The following GPN3 variants were observed in gnomAD, a reference collection of about 807,000 sequenced individuals.
The protein encoded by GPN3 is ATP-binding domain 1 family member C.
Under a neutral mutation model 38.7 loss-of-function variants are expected in GPN3, and 31 were observed. The ratio of observed to expected loss-of-function variants is 0.80; its 90% CI spans 0.60 to 1.08. GPN3 has a LOEUF of 1.08. Ranked by LOEUF, GPN3 falls within the 50% of genes least tolerant of loss-of-function variation. The pLI is 0.00. For synonymous variants in GPN3, 116 were observed against 120.2 expected, an observed-to-expected ratio of 0.96 and a Z score of 0.23; for missense variants, 301 against 354.4, an observed-to-expected ratio of 0.85 and a Z score of 1.21.
At chr12:110,461,094 T>G in intron 2 of GPN3, 1 of 1,477,210 alleles carries the variant, frequency 6.8e-7, no homozygotes, top group Non-Finnish European at 9.5e-7. Context: ...ATCTATGGAG[T>G]GGGCTTCAAG....
chr12:110,464,878 C>G, intron 2 of GPN3: 2 of 496,120 alleles, frequency 4.0e-6, no homozygotes, highest in South Asian at 4.7e-5. Context: ...CAGGCATGAG[C>G]CTCCGCGCCC....
intron 1 of GPN3, among the ~76,000 whole-genome samples, chr12:110,466,077 CAA>C (rs879788319): frequency 9.8e-5 from 12 of 122,068 alleles, no homozygotes; most frequent in Non-Finnish European, 7.0e-5. Flanking sequence ...ACTCCTGGCT[CAA>C]AAAAAAAAAA....
rs1592964932 is a variant in GPN3 at position 110,461,085 on chromosome 12, T to G, written c.158-1223A>C. 9.3e-6 allele frequency: 14 copies of G among 1,500,224 alleles called. No homozygotes were observed. The East Asian group carries it at 2.3e-4, about 24-fold the overall frequency. 92.9% of individuals were successfully genotyped at this position (1,500,224 alleles called of 1,614,324 possible). ...TACACCATCAACATTCACAAGCACATCTATGGAGTGGGCTTCAAGAAGCGT... is the reference window on the plus strand; with the variant it reads ...TACACCATCAACATTCACAAGCACAGCTATGGAGTGGGCTTCAAGAAGCGT... On this transcript the variant is annotated intron_variant, in intron 2 of 7. Transcript: ENST00000228827.
At chr12:110,454,218 A>G (rs2062534043) in intron 6 of GPN3, among the ~76,000 whole-genome samples, 1 of 152,170 alleles carries the variant, frequency 6.6e-6, no homozygotes, top group East Asian at 1.9e-4. Flanking sequence ...GGCCACTACC[A>G]ATAACTACTT....
At chr12:110,455,493 G>T in intron 6 of GPN3, 93 bp downstream of exon 6, 1 of 688,348 alleles carries the variant, frequency 1.5e-6, no homozygotes, top group South Asian at 1.7e-5. Flanking sequence ...TGAACTCCTG[G>T]ACTCAATCTT....
At chr12:110,461,581 CAG>C (rs1458754619) in intron 2 of GPN3, among the ~76,000 whole-genome samples, 1 of 151,560 alleles carries the variant, frequency 6.6e-6, no homozygotes, top group Non-Finnish European at 1.5e-5. Context: ...GCCTGGGTGG[CAG>C]AGAGAGACTG....
rs769592922 is a variant in GPN3, at chr12:110,455,833, G to C, written c.548C>G (p.Ala183Gly). Residue 183 changes from alanine to glycine, a missense_variant, in exon 5 of 8, where the codon GCA becomes GGA. Ala to Gly is a moderately conservative substitution (Grantham distance 60). Transcript: ENST00000228827. Reference protein sequence around the residue: ...MTKMDLLSKKAKKEIEKFLDP... With the variant: ...MTKMDLLSKKGKKEIEKFLDP... ...AACTCACTTCTCAATTTCCTTTTTT[G>C]CTTTTTTACTCAGCAGATCCATTTT... 6.3e-7 allele frequency: 1 copy of C among 1,575,370 alleles called. No individual in the cohort carries two copies. Among genetic ancestry groups the C allele is most frequent in the Admixed American group, 1.7e-5 (1 of 59,482 alleles).
At chr12:110,463,178 C>CG (rs2062602665) in intron 2 of GPN3, among the ~76,000 whole-genome samples, 1 of 152,026 alleles carries the variant, frequency 6.6e-6, no homozygotes, top group African/African-American at 2.4e-5. Context: ...CCAGCACTTT[C>CG]GGAAGTCAAG....
chr12:110,465,197 G>T lies in GPN3; in HGVS notation c.66C>A (p.Thr22=). The T allele has an allele frequency of 6.2e-7, 1 of 1,603,754 alleles. No individual in the cohort carries two copies. Among genetic ancestry groups the T allele is most frequent in the Non-Finnish European group, 8.5e-7 (1 of 1,170,476 alleles). The change falls in exon 2 of 8, where the codon ACC becomes ACA. Residue 22 remains threonine, a synonymous_variant. Transcript: ENST00000228827. ...AGSGKSTYCA[T]MVQHCEALNR... The stretch of plus-strand genomic sequence containing the variant: ...TGAGGGCTTCACAGTGCTGGACCAT[G>T]GTGGCACAGTAGGTGCTCTGTAATG...
At chr12:110,468,441 G>T (rs1419575033), upstream of GPN3, 1 of 1,534,934 alleles carries the variant, frequency 6.5e-7, no homozygotes, top group African/African-American at 1.4e-5. Context: ...GATGGAAATC[G>T]GCCGTTGGGA....
chr12:110,458,175 G>A lies in GPN3; in HGVS notation c.326-541C>T, dbSNP rs370891273. ...GAGGTTCTTCACACTTTAGTTTTCTGCCAATCAATATGAGTGTTATTGGCC... is the reference window on the plus strand; with the variant it reads ...GAGGTTCTTCACACTTTAGTTTTCTACCAATCAATATGAGTGTTATTGGCC... On this transcript the variant is annotated intron_variant, in intron 3 of 7. Coordinates refer to ENST00000228827, the MANE Select transcript of GPN3 (RefSeq NM_016301.4). The surrounding 1 kb of genome is among the most constrained non-coding windows in gnomAD (Gnocchi z 4.4). Among the ~76,000 whole-genome samples the A allele has an allele frequency of 2.0e-5, 3 of 151,372 alleles. No homozygotes were observed. Among genetic ancestry groups the A allele is most frequent in the African/African-American group, 7.3e-5 (3 of 41,144 alleles).
chr12:110,468,301 C>A (rs1239750349), upstream of GPN3: 28 of 1,589,678 alleles, frequency 1.8e-5, no homozygotes, highest in Non-Finnish European at 2.3e-5. Flanking sequence ...AATCCACATT[C>A]TTTCTACGCC....
intron 1 of GPN3, among the ~76,000 whole-genome samples, chr12:110,467,419 A>T (rs999332809): frequency 5.9e-5 from 9 of 152,206 alleles, no homozygotes; most frequent in Non-Finnish European, 1.0e-4. Flanking sequence ...AAAACCACTT[A>T]TATTTGACAT....
In GPN3 at chr12:110,453,865, C is replaced by A. The variant is rs772948978; in HGVS notation, c.670G>T (p.Asp224Tyr). The change falls in exon 7 of 8, where the codon GAC becomes TAC. Residue 224 changes from aspartate (D) to tyrosine (Y), a missense_variant. By Grantham distance (160) the Asp-to-Tyr change is radical. Transcript: ENST00000228827. Reference sequence around the variant, plus strand: ...GGTAAAAATCGAACCATGCTGTAGTCATCAATCTACAAGTTGTGGATTTCA... The same window carrying A: ...GGTAAAAATCGAACCATGCTGTAGTAATCAATCTACAAGTTGTGGATTTCA... ...LTKAICGLIDDYSMVRFLPYD... is the reference protein window; with the variant it reads ...LTKAICGLIDYYSMVRFLPYD... The A allele has an allele frequency of 2.5e-6, 4 of 1,602,314 alleles. No individual in the cohort carries two copies. The highest frequency in any genetic ancestry group is 2.2e-5 in the East Asian group (1 of 44,696).
intron 7 of GPN3, 23 bp from the exon 8 acceptor site, chr12:110,453,119 T>A: frequency 8.9e-7 from 1 of 1,127,072 alleles, no homozygotes; most frequent in Non-Finnish European, 1.3e-6. Context: ...AAACACAAAA[T>A]AGAAAATATA....
intron 2 of GPN3, chr12:110,464,874 T>A (rs946964121): frequency 2.0e-6 from 1 of 488,520 alleles, no homozygotes; most frequent in Admixed American, 3.3e-5. Flanking sequence ...ATTACAGGCA[T>A]GAGCCTCCGC....
Position 110,465,141 on chromosome 12 carries a change from G to C in GPN3, c.122C>G (p.Pro41Arg). The change falls in exon 2 of 8, where the codon CCA (proline) becomes CGA (arginine). Residue 41 changes from proline to arginine, a missense_variant. Transcript: ENST00000228827. ...NRSVQVVNLD[P>R]AAEHFNYSVM... is the part of the protein sequence containing the mutation. ...GGAGTAGTTGAAGTGTTCTGCTGCT[G>C]GATCCAGGTTTACAACTTGGACAGA... 1 of 1,608,286 alleles carries C rather than the reference G, an allele frequency of 6.2e-7. No individual in the cohort carries two copies. Among genetic ancestry groups the C allele is most frequent in the Non-Finnish European group, 8.5e-7 (1 of 1,174,584 alleles).
In GPN3 at chr12:110,453,039, C is replaced by A; in HGVS notation, c.850G>T (p.Glu284Ter). 1 of 1,369,356 alleles carries A rather than the reference C, an allele frequency of 7.3e-7. No homozygotes were observed. Among genetic ancestry groups the A allele is most frequent in the South Asian group, 1.2e-5 (1 of 86,012 alleles). The allele number at this position is 1,369,356 out of a possible 1,614,324, so 84.8% of individuals were successfully genotyped here. A position where few individuals can be genotyped will look rare whatever the true frequency, so the allele number is the denominator to read the frequency against. ...FDEYFQECQD[E>*] is the part of the protein sequence containing the mutation. ...GGTTACTTTTAGTAAACTCTTCATTCATCCTGGCATTCTTGAAAATATTCG... is the reference window on the plus strand; with the variant it reads ...GGTTACTTTTAGTAAACTCTTCATTAATCCTGGCATTCTTGAAAATATTCG... Residue 284 changes from glutamate to a stop codon, truncating the protein, a stop_gained, in exon 8 of 8, where the codon GAA (glutamate) becomes TAA (stop). Coordinates refer to ENST00000228827, the MANE Select transcript of GPN3 (RefSeq NM_016301.4). LOFTEE classifies it high-confidence loss of function.
chr12:110,456,055 C>T (rs892908673), intron 4 of GPN3, 125 bp from the exon 5 acceptor site: 9 of 606,346 alleles, frequency 1.5e-5, no homozygotes, highest in Non-Finnish European at 2.1e-5. Context: ...GCAAGCTGGA[C>T]GTGGTGGCTC....
Sources: gnomAD v4.1 joint callset for allele counts (sites outside exome capture counted in the v4.1 genomes callset) on GRCh38, gnomAD v4.1.1 for gene constraint, Gnocchi (gnomAD v3.1) non-coding constraint, MANE v1.5 for transcripts, NCBI Gene and HGNC (gene_info 2026-07-23, HGNC 2026-07-21) for gene names.